ZDHHC2: variants seen among roughly 807,000 people sequenced by gnomAD.
The protein encoded by ZDHHC2 is zDHHC palmitoyltransferase 2, also known as palmitoyltransferase ZDHHC2.
In ZDHHC2, 51 loss-of-function variants were observed where a neutral mutation model predicts 55.6. The observed-to-expected ratio is 0.92, with a 90% CI of 0.73 to 1.16. The LOEUF (loss-of-function observed/expected upper bound fraction) is 1.16. Among genes scored for constraint, ZDHHC2 ranks in the 50% most tolerant of loss-of-function variants. The pLI, the probability that ZDHHC2 is intolerant of heterozygous loss-of-function variation, is 0.00. For synonymous variants in ZDHHC2, 199 were observed against 152.9 expected (o/e 1.30, Z -2.22); for missense variants, 491 against 442.4 (o/e 1.11, Z -0.99).
At chr8:17,198,490 C>T (rs1806440699) in intron 6 of ZDHHC2, 77 bp downstream of exon 6, 1 of 1,335,542 alleles carries the variant, frequency 7.5e-7, no homozygotes, top group Non-Finnish European at 1.0e-6. Context: ...CCATGTAAAT[C>T]TTTTCACACA....
At chr8:17,208,294 G>T (rs935399477) in intron 8 of ZDHHC2, among the ~76,000 whole-genome samples, 1 of 148,554 alleles carries the variant, frequency 6.7e-6, no homozygotes, top group African/African-American at 2.5e-5. Flanking sequence ...TCATATATAT[G>T]TATATATATA....
At chr8:17,181,053 G>T (rs961199667) in intron 1 of ZDHHC2, among the ~76,000 whole-genome samples, 3 of 152,160 alleles carry the variant, frequency 2.0e-5, no homozygotes, top group Admixed American at 2.0e-4. Context: ...TCACAGAAGA[G>T]ATTACTTTCG....
At chr8:17,164,260 T>A (rs942912061) in intron 1 of ZDHHC2, among the ~76,000 whole-genome samples, 5 of 148,940 alleles carry the variant, frequency 3.4e-5, no homozygotes, top group African/African-American at 1.3e-4. Flanking sequence ...AAAATCCATT[T>A]TTATTTGAGA....
chr8:17,192,903 A>C (rs1806108019), intron 3 of ZDHHC2, among the ~76,000 whole-genome samples: 2 of 152,242 alleles, frequency 1.3e-5, no homozygotes, highest in African/African-American at 4.8e-5. Flanking sequence ...TGTTCTTGGC[A>C]TCTGTGTTGA....
chr8:17,203,722 C>G (rs915881434), intron 6 of ZDHHC2, among the ~76,000 whole-genome samples: 1 of 152,142 alleles, frequency 6.6e-6, no homozygotes, highest in African/African-American at 2.4e-5. Flanking sequence ...CAGCAACAGG[C>G]TTGCATCCCC....
chr8:17,187,505 T>C (rs1805775220), intron 3 of ZDHHC2, among the ~76,000 whole-genome samples: 1 of 152,156 alleles, frequency 6.6e-6, no homozygotes, highest in Admixed American at 6.5e-5. Flanking sequence ...GCTATTTGGC[T>C]TGGGAGAGGA....
At chr8:17,217,557 A>G (rs191717150) in intron 12 of ZDHHC2, among the ~76,000 whole-genome samples, 234 of 152,276 alleles carry the variant, frequency 1.5e-3, no homozygotes, top group Middle Eastern at 0.01. Flanking sequence ...TTATCTTGTC[A>G]TTTTATAGGA....
intron 1 of ZDHHC2, among the ~76,000 whole-genome samples, chr8:17,164,353 AG>A (rs1281664023): frequency 1.3e-5 from 2 of 152,176 alleles, no homozygotes; most frequent in African/African-American, 4.8e-5. Flanking sequence ...AGTTCATTTT[AG>A]GTATGTTATT....
At chr8:17,172,748 C>T (rs528452620) in intron 1 of ZDHHC2, among the ~76,000 whole-genome samples, 118 of 152,220 alleles carry the variant, frequency 7.8e-4, no homozygotes, top group African/African-American at 2.8e-3. Flanking sequence ...AGGAGTGTGC[C>T]TGTGTAGTAC....
At chr8:17,194,294 T>C (rs920252325) in intron 3 of ZDHHC2, among the ~76,000 whole-genome samples, 6 of 149,726 alleles carry the variant, frequency 4.0e-5, no homozygotes, top group Non-Finnish European at 7.4e-5. Context: ...TTTTAAATTG[T>C]AAAATATTTT....
chr8:17,207,861 A>T (rs1444828629), intron 7 of ZDHHC2, 99 bp from the exon 8 acceptor site: 1 of 1,038,572 alleles, frequency 9.6e-7, no homozygotes, highest in Non-Finnish European at 1.2e-6. Flanking sequence ...ATTTAAGAAA[A>T]ATTTTAAGCA....
chr8:17,172,379 G>A (rs1335989756), intron 1 of ZDHHC2, among the ~76,000 whole-genome samples: 1 of 152,156 alleles, frequency 6.6e-6, no homozygotes, highest in Non-Finnish European at 1.5e-5. Flanking sequence ...ATCTACAATA[G>A]TCAGCTAAAG....
At chr8:17,174,772 A>G (rs1022675209) in intron 1 of ZDHHC2, among the ~76,000 whole-genome samples, 3 of 132,264 alleles carry the variant, frequency 2.3e-5, no homozygotes, top group African/African-American at 5.8e-5. Flanking sequence ...GTGCAGTGGC[A>G]CTATCTCAGC....
chr8:17,171,603 G>C (rs1453289236), intron 1 of ZDHHC2, among the ~76,000 whole-genome samples: 1 of 152,062 alleles, frequency 6.6e-6, no homozygotes, highest in African/African-American at 2.4e-5. Context: ...CCTTCAATTA[G>C]ATAAGTTAGA....
chr8:17,199,664 C>T (rs1051090827), intron 6 of ZDHHC2, among the ~76,000 whole-genome samples: 6 of 110,116 alleles, frequency 5.4e-5, no homozygotes, highest in African/African-American at 1.7e-4. Flanking sequence ...CTCCTCCCTC[C>T]TCCCTCCTTC....
At chr8:17,194,943 GC>G (rs1473042269) in intron 3 of ZDHHC2, among the ~76,000 whole-genome samples, 4 of 152,046 alleles carry the variant, frequency 2.6e-5, no homozygotes, top group Non-Finnish European at 5.9e-5. Context: ...TTAAACAGAA[GC>G]CCAAATTTTC....
At chr8:17,211,853 G>A (rs1490373808) in intron 10 of ZDHHC2, among the ~76,000 whole-genome samples, 1 of 151,734 alleles carries the variant, frequency 6.6e-6, no homozygotes, top group East Asian at 1.9e-4. Flanking sequence ...AAATGTTTAT[G>A]GTTTTTCATA....
intron 3 of ZDHHC2, among the ~76,000 whole-genome samples, chr8:17,189,628 T>C (rs1411803954): frequency 6.6e-6 from 1 of 152,168 alleles, no homozygotes; most frequent in Non-Finnish European, 1.5e-5. Flanking sequence ...TATGACATCA[T>C]TGGCTAACAG....
Position 17,195,731 on chromosome 8 carries a change from A to G in ZDHHC2, c.373+107A>G. ...TGAAATGGTAAAACACTCATTTCAG[A>G]ATGCTGTGTTATTTCTTGGATTGCT... is the stretch of plus-strand genomic sequence containing the variant. On this transcript the variant is annotated intron_variant, in intron 4 of 12. Transcript: ENST00000262096. The G allele has an allele frequency of 2.1e-6, 3 of 1,422,636 alleles. No homozygotes were observed. In the South Asian group the frequency reaches 3.9e-5, roughly 19 times the overall value. 88.1% of individuals were successfully genotyped at this position (1,422,636 alleles called of 1,614,324 possible). A position where few individuals can be genotyped will look rare whatever the true frequency, so the allele number is the denominator to read the frequency against.
Sources: allele counts gnomAD v4.1 joint callset (sites outside exome capture counted in the v4.1 genomes callset), GRCh38; gene constraint gnomAD v4.1.1; transcripts MANE v1.5; gene names NCBI Gene and HGNC (gene_info 2026-07-23, HGNC 2026-07-21).